The following CNBD1 variants were observed in gnomAD, a reference collection of about 807,000 sequenced individuals.
CNBD1 encodes cyclic nucleotide binding domain containing 1.
A neutral mutation model predicts 54.4 loss-of-function variants in CNBD1; 71 were observed. The ratio of observed to expected loss-of-function variants is 1.30; its 90% CI spans 1.08 to 1.59. The LOEUF is 1.59. CNBD1 is among the 40% of genes most tolerant of loss of function. The pLI is 0.00. For missense variants in CNBD1, 659 were observed against 518.0 expected, an observed-to-expected ratio of 1.27 and a Z score of -2.64; for synonymous variants, 182 against 170.7, an observed-to-expected ratio of 1.07 and a Z score of -0.51.
rs545303072 is a variant in CNBD1, at chr8:86,944,225, G to A, written c.431+4471G>A. 8.5e-5 allele frequency among the ~76,000 whole-genome samples: 13 copies of A among 152,192 alleles called. No individual in the cohort carries two copies. The South Asian group carries it at 2.7e-3, about 32-fold the overall frequency. On this transcript the variant is annotated intron_variant, in intron 4 of 10. Coordinates refer to ENST00000518476, the MANE Select transcript of CNBD1 (RefSeq NM_173538.3). ...AGAATTTTAGTTTCTAAATAATTTT[G>A]ACTCATTTTATTTTTCATCCATTAA... is the stretch of plus-strand genomic sequence containing the variant.
chr8:87,391,389 G>T (rs1406437255), intron 2 of CNBD1, among the ~76,000 whole-genome samples: 1 of 152,066 alleles, frequency 6.6e-6, no homozygotes, highest in African/African-American at 2.4e-5. Context: ...GGAAACACAA[G>T]AGTTTCAGAG....
intron 4 of CNBD1, among the ~76,000 whole-genome samples, chr8:87,096,597 A>G (rs1011754810): frequency 1.6e-4 from 24 of 152,242 alleles, no homozygotes; most frequent in South Asian, 2.1e-4. Context: ...AAAATGGCCA[A>G]TGCACACCAG....
At chr8:86,952,179 C>T (rs1053761495) in intron 4 of CNBD1, among the ~76,000 whole-genome samples, 1 of 152,154 alleles carries the variant, frequency 6.6e-6, no homozygotes, top group African/African-American at 2.4e-5. Context: ...TGATTGATGT[C>T]TCATATCTCC....
At chr8:87,279,078 A>G (rs1163110335) in intron 6 of CNBD1, among the ~76,000 whole-genome samples, 1 of 151,340 alleles carries the variant, frequency 6.6e-6, no homozygotes, top group South Asian at 2.1e-4. Flanking sequence ...TGCCTAATTT[A>G]TAAAGTAAAC....
At chr8:87,108,702 C>T (rs1333935213) in intron 4 of CNBD1, among the ~76,000 whole-genome samples, 1 of 152,136 alleles carries the variant, frequency 6.6e-6, no homozygotes, top group Non-Finnish European at 1.5e-5. Context: ...ATTTTCCTAT[C>T]TTACTTTACA....
chr8:87,251,676 T>C (rs893156432), intron 6 of CNBD1, among the ~76,000 whole-genome samples: 2 of 152,016 alleles, frequency 1.3e-5, no homozygotes, highest in African/African-American at 4.8e-5. Context: ...CCAAATGCTA[T>C]GGTACCATTC....
intron 6 of CNBD1, among the ~76,000 whole-genome samples, chr8:87,249,631 T>G (rs1807873983): frequency 6.6e-6 from 1 of 152,160 alleles, no homozygotes; most frequent in African/African-American, 2.4e-5. Context: ...CAATTAAGAT[T>G]CAGTCCCAAG....
At chr8:87,403,646 T>C (rs3923906) in intron 2 of CNBD1, among the ~76,000 whole-genome samples, 6,614 of 152,062 alleles carry the variant, frequency 0.043, 192 homozygotes, top group Non-Finnish European at 0.06. Flanking sequence ...GAGGCACTCA[T>C]TAAAGGGAAG....
chr8:87,364,095 A>C (rs1467336147), intron 10 of CNBD1, among the ~76,000 whole-genome samples: 1 of 151,626 alleles, frequency 6.6e-6, no homozygotes, highest in African/African-American at 2.4e-5. Flanking sequence ...TATTTTATAG[A>C]GGTATTATAC....
At chr8:87,274,098 G>A (rs1051335053) in intron 6 of CNBD1, among the ~76,000 whole-genome samples, 17 of 152,030 alleles carry the variant, frequency 1.1e-4, no homozygotes, top group African/African-American at 3.9e-4. Context: ...AAAGACATGA[G>A]CTCATCATTT....
At chr8:86,879,990 G>C (rs1167551282) in intron 1 of CNBD1, among the ~76,000 whole-genome samples, 1 of 152,128 alleles carries the variant, frequency 6.6e-6, no homozygotes, top group African/African-American at 2.4e-5. Flanking sequence ...ACATACAAAG[G>C]GATTTAAAGC....
intron 10 of CNBD1, among the ~76,000 whole-genome samples, chr8:87,382,134 C>A (rs1811089607): frequency 6.6e-6 from 1 of 151,052 alleles, no homozygotes; most frequent in Admixed American, 6.6e-5. Context: ...TATAATTTAA[C>A]ATTTGATTAA....
intron 4 of CNBD1, among the ~76,000 whole-genome samples, chr8:87,042,275 T>TATA (rs1187499937): frequency 6.6e-6 from 1 of 152,188 alleles, no homozygotes; most frequent in Admixed American, 6.5e-5. Context: ...GACCATGGAA[T>TATA]ATAAGCATCT....
chr8:87,049,211 C>T (rs1810262237), intron 4 of CNBD1, among the ~76,000 whole-genome samples: 1 of 152,118 alleles, frequency 6.6e-6, no homozygotes, highest in Non-Finnish European at 1.5e-5. Context: ...GTCATCCACA[C>T]CCTTCTCATG....
At chr8:87,143,095 C>T (rs2130740456) in intron 4 of CNBD1, among the ~76,000 whole-genome samples, 1 of 152,242 alleles carries the variant, frequency 6.6e-6, no homozygotes, top group South Asian at 2.1e-4. Flanking sequence ...ATAGCTTTTA[C>T]TTGGCCTTTG....
intron 8 of CNBD1, among the ~76,000 whole-genome samples, chr8:87,319,676 T>C (rs890176424): frequency 2.0e-5 from 3 of 152,088 alleles, no homozygotes; most frequent in African/African-American, 7.2e-5. Flanking sequence ...AAAAGTAACA[T>C]GTTTTTACCT....
intron 2 of CNBD1, among the ~76,000 whole-genome samples, chr8:86,892,481 G>A (rs559304310): frequency 1.1e-4 from 17 of 151,976 alleles, no homozygotes; most frequent in Admixed American, 5.9e-4. Context: ...GTTAATCATC[G>A]TTATTTAAAA....
At chr8:87,183,134 C>A (rs1033589980) in intron 4 of CNBD1, among the ~76,000 whole-genome samples, 1 of 152,102 alleles carries the variant, frequency 6.6e-6, no homozygotes, top group Non-Finnish European at 1.5e-5. Context: ...ACAGTTATCC[C>A]AGCACCATTT....
At chr8:87,359,073 T>A (rs188868975) in intron 10 of CNBD1, among the ~76,000 whole-genome samples, 1 of 152,282 alleles carries the variant, frequency 6.6e-6, no homozygotes, top group East Asian at 1.9e-4. Flanking sequence ...GGGCATCCCT[T>A]AGCCCAGTCA....
Sources: allele counts gnomAD v4.1 joint callset (sites outside exome capture counted in the v4.1 genomes callset), GRCh38; gene constraint gnomAD v4.1.1; transcripts MANE v1.5; gene names NCBI Gene and HGNC (gene_info 2026-07-23, HGNC 2026-07-21).